Variants in ADAMTSL1 observed in about 807,000 individuals in gnomAD.
ADAMTSL1 encodes ADAMTS-like protein 1.
ADAMTSL1 carries 126 observed loss-of-function variants against 201.8 expected under a neutral mutation model. That is an observed-to-expected ratio of 0.62 (90% CI 0.54 to 0.72). The LOEUF is 0.72. Ranked by LOEUF, ADAMTSL1 falls within the 30% of genes least tolerant of loss-of-function variation. The probability of loss-of-function intolerance (pLI) is 0.00; values close to 1 mark genes in which losing one functional copy is unlikely to be tolerated. For missense variants in ADAMTSL1, 2,679 were observed against 2,277.8 expected (o/e 1.18, Z -3.59); for synonymous variants, 1,121 against 903.4 (o/e 1.24, Z -4.32).
At chr9:18,716,306 C>T (rs1262333488) in intron 14 of ADAMTSL1, among the ~76,000 whole-genome samples, 2 of 151,628 alleles carry the variant, frequency 1.3e-5, no homozygotes, top group African/African-American at 4.8e-5. Flanking sequence ...AGGCAACCTA[C>T]AAAATGGGAG....
At chr9:18,316,575 A>C (rs1364034903) in intron 2 of ADAMTSL1, among the ~76,000 whole-genome samples, 1 of 152,164 alleles carries the variant, frequency 6.6e-6, no homozygotes, top group African/African-American at 2.4e-5. Flanking sequence ...ACTGGTGGTC[A>C]GAGTTTAAGG....
chr9:18,581,040 C>G (rs180751565), intron 4 of ADAMTSL1, among the ~76,000 whole-genome samples: 1 of 152,194 alleles, frequency 6.6e-6, no homozygotes. Context: ...TATTCTCCCA[C>G]AGTTCATGAG....
chr9:18,542,411 G>A (rs1235518183), intron 3 of ADAMTSL1, among the ~76,000 whole-genome samples: 2 of 152,094 alleles, frequency 1.3e-5, no homozygotes, highest in Non-Finnish European at 1.5e-5. Context: ...ATTCCATTAT[G>A]TGTTGGAATC....
chr9:18,110,114 C>G (rs529792963), intron 1 of ADAMTSL1, among the ~76,000 whole-genome samples: 16 of 152,312 alleles, frequency 1.1e-4, no homozygotes, highest in African/African-American at 3.4e-4. Flanking sequence ...TCCTCTTTCC[C>G]TAGAGACTAC....
chr9:18,034,240 C>T (rs947285630), intron 1 of ADAMTSL1, among the ~76,000 whole-genome samples: 85 of 152,128 alleles, frequency 5.6e-4, no homozygotes, highest in African/African-American at 1.9e-3. Flanking sequence ...CCTTCATTTC[C>T]CACCACTTGT....
chr9:18,323,880 A>G (rs536427159), intron 2 of ADAMTSL1, among the ~76,000 whole-genome samples: 4 of 152,296 alleles, frequency 2.6e-5, no homozygotes, highest in African/African-American at 9.6e-5. Context: ...GGAAGATTCA[A>G]ATTGTTAAAG....
In ADAMTSL1 at chr9:18,777,270, C is replaced by T. The variant is rs117786774; in HGVS notation, c.3041C>T (p.Ala1014Val). 67,545 of 1,609,022 alleles carry T rather than the reference C, an allele frequency of 0.042. 1,621 individuals carry two copies. The highest frequency in any genetic ancestry group is 0.05 in the Non-Finnish European group (58,469 of 1,178,294). ...NGSKAEKRGL[A>V]ANPGSRYDDL... ...AGCAAGGCGGAGAAGCGGGGCCTGG[C>T]CGCCAACCCGGGGAGCCGCTACGAC... The change falls in exon 19 of 29, where the codon GCC becomes GTC. Residue 1014 changes from alanine to valine, a missense_variant. Physicochemically the swap from Ala to Val is moderately conservative, Grantham distance 64. Transcript: ENST00000380548.
chr9:17,958,649 C>T (rs1275993635), intron 1 of ADAMTSL1, among the ~76,000 whole-genome samples: 1 of 151,992 alleles, frequency 6.6e-6, no homozygotes, highest in Non-Finnish European at 1.5e-5. Context: ...TGACACATAC[C>T]AGGGAAGTTC....
chr9:18,018,389 C>T (rs79479351), intron 1 of ADAMTSL1, among the ~76,000 whole-genome samples: 5,704 of 152,146 alleles, frequency 0.037, 371 homozygotes, highest in African/African-American at 0.13. Flanking sequence ...CTTCTGTAAT[C>T]CCTTCTGAAA....
intron 1 of ADAMTSL1, among the ~76,000 whole-genome samples, chr9:18,015,917 T>C (rs1408253559): frequency 6.6e-6 from 1 of 152,074 alleles, no homozygotes; most frequent in African/African-American, 2.4e-5. Context: ...GCCATACCCT[T>C]TCTCCAGCTG....
chr9:18,348,097 A>G (rs934876504), intron 2 of ADAMTSL1, among the ~76,000 whole-genome samples: 1 of 152,202 alleles, frequency 6.6e-6, no homozygotes, highest in South Asian at 2.1e-4. Flanking sequence ...TCTCTCGCCA[A>G]TTGTAGATTT....
At chr9:18,899,203 A>C (rs547729590) in intron 26 of ADAMTSL1, among the ~76,000 whole-genome samples, 2 of 152,294 alleles carry the variant, frequency 1.3e-5, no homozygotes, top group South Asian at 4.1e-4. Flanking sequence ...CACAATTGCT[A>C]CAAAAAGAAT....
chr9:18,301,156 T>C (rs1258722239), intron 2 of ADAMTSL1, among the ~76,000 whole-genome samples: 2 of 152,258 alleles, frequency 1.3e-5, no homozygotes, highest in East Asian at 1.9e-4. Flanking sequence ...CACCATTATT[T>C]AAAGTGCCAG....
chr9:18,210,004 T>G (rs1829802268), intron 2 of ADAMTSL1, among the ~76,000 whole-genome samples: 1 of 152,166 alleles, frequency 6.6e-6, no homozygotes, highest in Non-Finnish European at 1.5e-5. Context: ...TATGTCTCTG[T>G]TTAAAACAAA....
intron 1 of ADAMTSL1, among the ~76,000 whole-genome samples, chr9:18,477,993 C>A (rs1338643545): frequency 1.3e-5 from 2 of 152,044 alleles, no homozygotes; most frequent in Admixed American, 6.6e-5. Context: ...TTTTGAGAGA[C>A]AAAGAGAATG....
At chr9:18,814,542 A>G (rs1410279451) in intron 20 of ADAMTSL1, among the ~76,000 whole-genome samples, 1 of 152,246 alleles carries the variant, frequency 6.6e-6, no homozygotes, top group Non-Finnish European at 1.5e-5. Flanking sequence ...ATTTTCAAAA[A>G]TGGACAAAAG....
intron 19 of ADAMTSL1, among the ~76,000 whole-genome samples, chr9:18,788,436 G>A (rs536450231): frequency 6.3e-5 from 8 of 127,152 alleles, no homozygotes; most frequent in African/African-American, 2.4e-4. Flanking sequence ...CTGCCAACTA[G>A]GCCCCGGTAG....
intron 3 of ADAMTSL1, among the ~76,000 whole-genome samples, chr9:18,563,386 T>C (rs1311670193): frequency 6.6e-6 from 1 of 152,166 alleles, no homozygotes; most frequent in African/African-American, 2.4e-5. Context: ...CTCTGGAAGC[T>C]TCATCCCAGA....
chr9:18,803,663 A>C (rs1822935393), intron 20 of ADAMTSL1, among the ~76,000 whole-genome samples: 1 of 152,234 alleles, frequency 6.6e-6, no homozygotes, highest in African/African-American at 2.4e-5. Flanking sequence ...AAACCAAAAA[A>C]TGTTTAAAAA....
Sources: gnomAD v4.1 joint callset for allele counts (sites outside exome capture counted in the v4.1 genomes callset) on GRCh38, gnomAD v4.1.1 for gene constraint, MANE v1.5 for transcripts, NCBI Gene and HGNC (gene_info 2026-07-23, HGNC 2026-07-21) for gene names.